Variants in ACBD6 observed in about 807,000 individuals in gnomAD.
ACBD6 encodes acyl-CoA binding domain containing 6.
Under a neutral mutation model 37.2 loss-of-function variants are expected in ACBD6, and 28 were observed. The observed-to-expected ratio is 0.75, with a 90% CI of 0.56 to 1.03. The LOEUF (loss-of-function observed/expected upper bound fraction) is 1.03. Ranked by LOEUF, ACBD6 falls within the 50% of genes least tolerant of loss-of-function variation. ACBD6 has a pLI of 0.00. For missense variants in ACBD6, 340 were observed against 337.4 expected (o/e 1.01, Z -0.06); for synonymous variants, 113 against 126.8 (o/e 0.89, Z 0.73).
At chr1:180,301,335 A>C (rs1013025990) in intron 7 of ACBD6, among the ~76,000 whole-genome samples, 15 of 152,174 alleles carry the variant, frequency 9.9e-5, no homozygotes, top group African/African-American at 3.6e-4. Context: ...CTCTCCAAAA[A>C]CTTAACTACT....
At chr1:180,421,357 T>C (rs1192585054) in intron 4 of ACBD6, among the ~76,000 whole-genome samples, 1 of 152,232 alleles carries the variant, frequency 6.6e-6, no homozygotes, top group African/African-American at 2.4e-5. Flanking sequence ...TGTTCCTTTT[T>C]ATGGCTGTAT....
intron 4 of ACBD6, among the ~76,000 whole-genome samples, chr1:180,428,686 C>T (rs941864981): frequency 1.3e-5 from 2 of 152,080 alleles, no homozygotes; most frequent in African/African-American, 2.4e-5. Flanking sequence ...TTGAAAAATA[C>T]TAGAGTATGG....
intron 7 of ACBD6, among the ~76,000 whole-genome samples, chr1:180,306,103 T>TGGGGGGA (rs1200284648): frequency 3.3e-5 from 2 of 60,104 alleles, no homozygotes; most frequent in African/African-American, 1.4e-4. Flanking sequence ...TGTTGTGGGG[T>TGGGGGGA]GGGGGGAGGG....
chr1:180,394,807 C>G (rs1654201213), intron 6 of ACBD6, among the ~76,000 whole-genome samples: 1 of 152,044 alleles, frequency 6.6e-6, no homozygotes, highest in Admixed American at 6.6e-5. Context: ...CTATTACATA[C>G]ATAGGATACA....
chr1:180,302,635 G>C (rs913905850), intron 7 of ACBD6, among the ~76,000 whole-genome samples: 1 of 151,874 alleles, frequency 6.6e-6, no homozygotes. Context: ...AAGAGACTTA[G>C]ACTCCCACAC....
intron 6 of ACBD6, among the ~76,000 whole-genome samples, chr1:180,336,436 C>A (rs1446412774): frequency 6.6e-6 from 1 of 151,288 alleles, no homozygotes; most frequent in Non-Finnish European, 1.5e-5. Context: ...GAAATGAAGG[C>A]AGAAATAAAG....
At chr1:180,312,526 A>G (rs1293782208) in intron 7 of ACBD6, among the ~76,000 whole-genome samples, 1 of 152,048 alleles carries the variant, frequency 6.6e-6, no homozygotes, top group East Asian at 1.9e-4. Flanking sequence ...CATCTCATGT[A>G]CCTTTTATTT....
chr1:180,350,023 CT>C lies in ACBD6; in HGVS notation c.664-35302del, dbSNP rs371542775. Among the ~76,000 whole-genome samples, 501 of 65,488 alleles carry C rather than the reference CT, an allele frequency of 7.7e-3. 1 individual carries two copies. Among genetic ancestry groups the C allele is most frequent in the South Asian group, 0.017 (22 of 1,312 alleles). 43.0% of individuals were successfully genotyped at this position (65,488 alleles called of 152,430 possible). ...GGTGTTTCAGTCCTCTCCAGTGACC[CT>C]TTTTTTTTTTTTTTTTTTTTGAGCA... On this transcript the variant is annotated intron_variant, in intron 6 of 7. Coordinates refer to ENST00000367595, the MANE Select transcript of ACBD6 (RefSeq NM_032360.4).
At chr1:180,340,987 T>C (rs1428547567) in intron 6 of ACBD6, among the ~76,000 whole-genome samples, 3 of 152,022 alleles carry the variant, frequency 2.0e-5, no homozygotes, top group East Asian at 3.9e-4. Flanking sequence ...GATAAGGAAA[T>C]GTAGTGTCAC....
At chr1:180,356,389 C>G (rs1162120038) in intron 6 of ACBD6, among the ~76,000 whole-genome samples, 2 of 151,878 alleles carry the variant, frequency 1.3e-5, no homozygotes, top group Non-Finnish European at 2.9e-5. Context: ...CCAGACTGGT[C>G]TTGAACATCT....
chr1:180,493,247 CAAAAAAAAAAAAAAAAAA>C (rs71121023), intron 2 of ACBD6, among the ~76,000 whole-genome samples: 5 of 47,810 alleles, frequency 1.0e-4, no homozygotes, highest in Admixed American at 3.4e-4. Flanking sequence ...AATTCTGTCT[CAAAAAAAAAAAAAAAAAA>C]AAAAAAAAAA....
chr1:180,502,142 A>G lies in ACBD6; in HGVS notation c.125T>C (p.Leu42Pro), dbSNP rs768158394. The G allele has an allele frequency of 3.1e-6, 5 of 1,614,050 alleles. No homozygotes were observed. The highest frequency in any genetic ancestry group is 4.2e-6 in the Non-Finnish European group (5 of 1,179,988). ...HSPEIEETSCLAELFEKAAAH... is the reference protein window; with the variant it reads ...HSPEIEETSCPAELFEKAAAH... ...GGCAGCCTTCTCAAACAGCTCGGCC[A>G]GGCAACTGGTCTCCTCGATCTCAGG... Residue 42 changes from leucine (L) to proline (P), a missense_variant, in exon 1 of 8, where the codon CTG becomes CCG. Leu to Pro is a moderately conservative substitution (Grantham distance 98). Transcript: ENST00000367595.
intron 4 of ACBD6, among the ~76,000 whole-genome samples, chr1:180,419,425 G>A (rs1048510149): frequency 6.6e-6 from 1 of 152,018 alleles, no homozygotes; most frequent in Non-Finnish European, 1.5e-5. Flanking sequence ...TCTTATAATG[G>A]TATTTAAATA....
At position 180,406,516 on chromosome 1, in the gene ACBD6, T is replaced by C. The variant is rs57102722; in HGVS notation, c.573+6850A>G. On this transcript the variant is annotated intron_variant, in intron 5 of 7. Transcript: ENST00000367595. The stretch of plus-strand genomic sequence containing the variant: ...CATTATGAAATACAAATACATTTTA[T>C]TTAAAAGGCATTTCATATATATTTG... 6.7e-3 allele frequency among the ~76,000 whole-genome samples: 1,013 copies of C among 152,246 alleles called. 17 individuals carry two copies. The highest frequency in any genetic ancestry group is 0.023 in the African/African-American group (967 of 41,572).
intron 6 of ACBD6, among the ~76,000 whole-genome samples, chr1:180,348,741 AAC>A (rs977270365): frequency 1.9e-4 from 29 of 151,128 alleles, no homozygotes; most frequent in African/African-American, 6.8e-4. Flanking sequence ...TCAATTTTTA[AAC>A]AGTCTAATTC....
Position 180,502,528 on chromosome 1 carries a change from G to C in ACBD6, c.-262C>G, listed in dbSNP as rs111622730. 3.9e-6 allele frequency: 2 copies of C among 519,246 alleles called. No homozygotes were observed. Among genetic ancestry groups the C allele is most frequent in the South Asian group, 2.0e-5 (1 of 50,166 alleles). 32.2% of individuals were successfully genotyped at this position (519,246 alleles called of 1,614,324 possible). A position where few individuals can be genotyped will look rare whatever the true frequency, so the allele number is the denominator to read the frequency against. On this transcript the variant is annotated 5_prime_UTR_variant, in exon 1 of 8. Coordinates refer to ENST00000367595, the MANE Select transcript of ACBD6 (RefSeq NM_032360.4). The stretch of plus-strand genomic sequence containing the variant: ...CCGGCTTCCCTCCGGCCAACAGCGC[G>C]CTCAGGCTCGCCTCAGGCCCCTCCA...
intron 6 of ACBD6, among the ~76,000 whole-genome samples, chr1:180,337,681 G>A (rs1038665338): frequency 3.3e-5 from 5 of 152,172 alleles, no homozygotes; most frequent in African/African-American, 1.2e-4. Context: ...AGGAAATAAA[G>A]GGTATTCAAT....
chr1:180,354,893 C>A (rs776823698), intron 6 of ACBD6, among the ~76,000 whole-genome samples: 4 of 152,134 alleles, frequency 2.6e-5, no homozygotes, highest in Admixed American at 2.0e-4. Flanking sequence ...TCCTCCAAGT[C>A]ACTTATGAAT....
At chr1:180,479,955 C>T (rs963987037) in intron 3 of ACBD6, among the ~76,000 whole-genome samples, 1 of 152,002 alleles carries the variant, frequency 6.6e-6, no homozygotes, top group Admixed American at 6.6e-5. Context: ...CACCACTGCA[C>T]TCCAGCCTGG....
Sources: gnomAD v4.1 joint callset for allele counts (sites outside exome capture counted in the v4.1 genomes callset) on GRCh38, gnomAD v4.1.1 for gene constraint, MANE v1.5 for transcripts, NCBI Gene and HGNC (gene_info 2026-07-23, HGNC 2026-07-21) for gene names.